The following WIZ variants were observed in gnomAD, a reference collection of about 807,000 sequenced individuals.
WIZ encodes the protein WIZ zinc finger, also known as protein Wiz.
In WIZ, 25 loss-of-function variants were observed where a neutral mutation model predicts 140.2. The observed-to-expected ratio is 0.18, with a 90% CI of 0.13 to 0.25. WIZ has a LOEUF of 0.25. Among genes scored for constraint, WIZ ranks in the 10% least tolerant of loss-of-function variants. WIZ has a pLI of 1.00. For missense variants in WIZ, 2,231 were observed against 2,632.6 expected (o/e 0.85, Z 3.34); for synonymous variants, 1,125 against 1,154.3 (o/e 0.97, Z 0.51).
Position 15,425,256 on chromosome 19 carries a change from T to C in WIZ, c.4879A>G (p.Lys1627Glu), listed in dbSNP as rs776610949. 1 of 1,585,210 alleles carries C rather than the reference T, an allele frequency of 6.3e-7. No homozygotes were observed. ...LPFKAKTLHE[K>E]TSHSSTEACC... ...CGCTGCTTACAGGAGTGGGAGGTCTTCTCATGAAGGGTCTTTGCCTTGAAG... is the reference window on the plus strand; with the variant it reads ...CGCTGCTTACAGGAGTGGGAGGTCTCCTCATGAAGGGTCTTTGCCTTGAAG... Residue 1627 changes from lysine to glutamate, a missense_variant, in exon 10 of 13, where the codon AAG (lysine) becomes GAG (glutamate). Around this residue, in one of 15 missense-constraint regions of WIZ, gnomAD observed 393 missense variants for 451.7 expected, o/e 0.87. Coordinates refer to ENST00000673675, the MANE Select transcript of WIZ (RefSeq NM_001371589.1).
rs1968631533 is a variant in WIZ, at chr19:15,424,857, G to A, written c.5070C>T (p.Tyr1690=). ...GGCGGCCGCCCTGGATGTAGCTGCG[G>A]TAGGCGCCCACCTTCTGGGGCCGGT... ...IKHRPQKVGA[Y]RSYIQGGRPF... Residue 1690 remains tyrosine, a synonymous_variant, in exon 11 of 13, where the codon TAC becomes TAT. Coordinates refer to ENST00000673675, the MANE Select transcript of WIZ (RefSeq NM_001371589.1). The surrounding 1 kb of genome is among the most constrained non-coding windows in gnomAD (Gnocchi z 9.7). 4.3e-6 allele frequency: 7 copies of A among 1,611,036 alleles called. No homozygotes were observed. Among genetic ancestry groups the A allele is most frequent in the Non-Finnish European group, 5.9e-6 (7 of 1,179,398 alleles).
chr19:15,423,307 C>G, intron 12 of WIZ, 72 bp from the exon 13 acceptor site: 1 of 1,546,908 alleles, frequency 6.5e-7, no homozygotes, highest in Non-Finnish European at 8.8e-7. Flanking sequence ...TTGCCAGCAT[C>G]CCTGGGCACA....
In WIZ at chr19:15,442,831, G is replaced by A. The variant is rs1162143189; in HGVS notation, c.206-83C>T. 1 of 892,720 alleles carries A rather than the reference G, an allele frequency of 1.1e-6. No individual in the cohort carries two copies. Among genetic ancestry groups the A allele is most frequent in the African/African-American group, 1.7e-5 (1 of 57,910 alleles). The allele number at this position is 892,720 out of a possible 1,614,324, so 55.3% of individuals were successfully genotyped here. On this transcript the variant is annotated intron_variant, in intron 2 of 12. Transcript: ENST00000673675. The surrounding 1 kb of genome is among the most constrained non-coding windows in gnomAD (Gnocchi z 5.5). The stretch of plus-strand genomic sequence containing the variant: ...CACCCCAGCTCCAGGAGCCCTGCCA[G>A]GTGCCTCAGAAAGGCCCTGCTGGCT...
At position 15,440,625 on chromosome 19, in the gene WIZ, C is replaced by T. The variant is rs1288038494; in HGVS notation, c.369G>A (p.Gly123=). 19 of 1,532,114 alleles carry T rather than the reference C, an allele frequency of 1.2e-5. No homozygotes were observed. Among genetic ancestry groups the T allele is most frequent in the East Asian group, 4.9e-5 (2 of 40,806 alleles). 94.9% of individuals were successfully genotyped at this position (1,532,114 alleles called of 1,614,324 possible). A position where few individuals can be genotyped will look rare whatever the true frequency, so the allele number is the denominator to read the frequency against. Reference sequence around the variant, plus strand: ...CCTGGACAAGGGGGTGCTCCCAGGGCCCCCGGCCATCAGGGGTACCTGGGA... The same window carrying T: ...CCTGGACAAGGGGGTGCTCCCAGGGTCCCCGGCCATCAGGGGTACCTGGGA... ...GHFPGTPDGR[G]PWEHPLVQEA... The change falls in exon 4 of 13, where the codon GGG becomes GGA. Residue 123 remains glycine, a synonymous_variant. Transcript: ENST00000673675. This position sits in a 1 kb window ranked among gnomAD's most constrained non-coding sequence, Gnocchi z 6.2.
At chr19:15,425,153 CT>C in intron 10 of WIZ, 87 bp downstream of exon 10, 1 of 1,534,236 alleles carries the variant, frequency 6.5e-7, no homozygotes, top group Non-Finnish European at 8.7e-7. Context: ...GGGGGCCCCA[CT>C]TGGGGTCAGT....
At chr19:15,432,126 G>T (rs889616069) in intron 5 of WIZ, among the ~76,000 whole-genome samples, 1 of 152,176 alleles carries the variant, frequency 6.6e-6, no homozygotes, top group Non-Finnish European at 1.5e-5. Flanking sequence ...GCGTCTGTCA[G>T]ATGGGGCAGG....
rs1478632943 is a variant in WIZ, at chr19:15,438,702, C to T, written c.2292G>A (p.Leu764=). ...CPDRFHNGIG[L]ANHVRGHLNR... ...TCAGGTGGCCCCGGACGTGGTTGGC[C>T]AAGCCGATGCCGTTGTGGAAGCGAT... Residue 764 remains leucine (L), a synonymous_variant, in exon 4 of 13, where the codon TTG becomes TTA. Transcript: ENST00000673675. 2 of 1,536,136 alleles carry T rather than the reference C, an allele frequency of 1.3e-6. No individual in the cohort carries two copies. The highest frequency in any genetic ancestry group is 2.4e-5 in the East Asian group (1 of 40,924).
At chr19:15,430,786 G>A (rs1025289465) in intron 6 of WIZ, among the ~76,000 whole-genome samples, 4 of 152,218 alleles carry the variant, frequency 2.6e-5, no homozygotes, top group East Asian at 3.8e-4. Flanking sequence ...CACTGCTTCT[G>A]GATGCTGTCC....
At position 15,442,851 on chromosome 19, in the gene WIZ, C is replaced by T; in HGVS notation, c.206-103G>A. The T allele has an allele frequency of 1.6e-6, 1 of 636,128 alleles. No individual in the cohort carries two copies. Among genetic ancestry groups the T allele is most frequent in the South Asian group, 8.0e-5 (1 of 12,552 alleles). The allele number at this position is 636,128 out of a possible 1,614,324, so 39.4% of individuals were successfully genotyped here. ...TGCCAGGTGCCTCAGAAAGGCCCTG[C>T]TGGCTCCCAGTTCCTCTCCCTGAGA... On this transcript the variant is annotated intron_variant, in intron 2 of 12. Coordinates refer to ENST00000673675, the MANE Select transcript of WIZ (RefSeq NM_001371589.1). This position sits in a 1 kb window ranked among gnomAD's most constrained non-coding sequence, Gnocchi z 5.5.
Position 15,439,035 on chromosome 19 carries a change from C to T in WIZ, c.1959G>A (p.Ala653=), listed in dbSNP as rs554328110. 2.8e-5 allele frequency: 42 copies of T among 1,497,996 alleles called. 1 individual carries two copies. Among genetic ancestry groups the T allele is most frequent in the South Asian group, 2.5e-4 (20 of 78,932 alleles). The allele number at this position is 1,497,996 out of a possible 1,614,324, so 92.8% of individuals were successfully genotyped here. The part of the protein sequence containing the change: ...PLATPSLIPQ[A]ALELKQAFRE... Reference sequence around the variant, plus strand: ...GGAATGCCTGCTTCAGCTCCAGGGCCGCCTGCGGGATGAGGCTGGGGGTGG... The same window carrying T: ...GGAATGCCTGCTTCAGCTCCAGGGCTGCCTGCGGGATGAGGCTGGGGGTGG... The change falls in exon 4 of 13, where the codon GCG becomes GCA. Residue 653 remains alanine (A), a synonymous_variant. Coordinates refer to ENST00000673675, the MANE Select transcript of WIZ (RefSeq NM_001371589.1). The surrounding 1 kb of genome is among the most constrained non-coding windows in gnomAD (Gnocchi z 7.0).
At chr19:15,426,074 G>T (rs566173665) in intron 9 of WIZ, among the ~76,000 whole-genome samples, 10 of 151,636 alleles carry the variant, frequency 6.6e-5, no homozygotes, top group South Asian at 4.2e-4. Context: ...TCTTCTGCTT[G>T]TTCTGTCACT....
Position 15,427,542 on chromosome 19 carries a change from G to T in WIZ, c.3815-9C>A. 6.3e-7 allele frequency: 1 copy of T among 1,599,046 alleles called. No homozygotes were observed. Among genetic ancestry groups the T allele is most frequent in the Non-Finnish European group, 8.5e-7 (1 of 1,170,126 alleles). ...TGGCTCTGGGCCTGAGGCTGCAGCA[G>T]GAGGAGAAAGGGGCAGTTAGCATCG... On this transcript the variant is annotated splice_polypyrimidine_tract_variant and intron_variant, in intron 8 of 12. Transcript: ENST00000673675. The surrounding 1 kb of genome is among the most constrained non-coding windows in gnomAD (Gnocchi z 6.4).
rs1968708377 is a variant in WIZ, at chr19:15,425,641, G to A, written c.4494C>T (p.Val1498=). 1 of 1,613,576 alleles carries A rather than the reference G, an allele frequency of 6.2e-7. No homozygotes were observed. The highest frequency in any genetic ancestry group is 1.7e-4 in the Middle Eastern group (1 of 6,048). Residue 1498 remains valine, a synonymous_variant, in exon 10 of 13, where the codon GTC becomes GTT. Coordinates refer to ENST00000673675, the MANE Select transcript of WIZ (RefSeq NM_001371589.1). ...GCAGTGTGTCGATGGGCGAACCATTGACGGACCACTCGGTCACACCCATCT... is the reference window on the plus strand; with the variant it reads ...GCAGTGTGTCGATGGGCGAACCATTAACGGACCACTCGGTCACACCCATCT... ...LRQMGVTEWS[V]NGSPIDTLRE... is the part of the protein sequence containing the mutation.
At chr19:15,430,697 T>C (rs993307347) in intron 6 of WIZ, among the ~76,000 whole-genome samples, 2 of 152,178 alleles carry the variant, frequency 1.3e-5, no homozygotes, top group Non-Finnish European at 2.9e-5. Flanking sequence ...AATGGTGTCA[T>C]GCGAGAGACT....
At position 15,428,862 on chromosome 19, in the gene WIZ, C is replaced by G. The variant is rs1969033580; in HGVS notation, c.3416-354G>C. Reference sequence around the variant, plus strand: ...GCCAAGGGCACACCTGCTCAAGGCCCTGCCCCTGGAAGCACGGCAGACTCA... The same window carrying G: ...GCCAAGGGCACACCTGCTCAAGGCCGTGCCCCTGGAAGCACGGCAGACTCA... On this transcript the variant is annotated intron_variant, in intron 7 of 12. Coordinates refer to ENST00000673675, the MANE Select transcript of WIZ (RefSeq NM_001371589.1). The surrounding 1 kb of genome is among the most constrained non-coding windows in gnomAD (Gnocchi z 6.4). Among the ~76,000 whole-genome samples, 1 of 152,190 alleles carries G rather than the reference C, an allele frequency of 6.6e-6. No homozygotes were observed. The highest frequency in any genetic ancestry group is 1.5e-5 in the Non-Finnish European group (1 of 68,024).
At position 15,425,561 on chromosome 19, in the gene WIZ, G is replaced by A. The variant is rs755123570; in HGVS notation, c.4574C>T (p.Ala1525Val). The A allele has an allele frequency of 1.2e-6, 2 of 1,613,166 alleles. No individual in the cohort carries two copies. Among genetic ancestry groups the A allele is most frequent in the African/African-American group, 1.3e-5 (1 of 74,998 alleles). Residue 1525 changes from alanine (A) to valine (V), a missense_variant, in exon 10 of 13, where the codon GCT becomes GTT. Transcript: ENST00000673675. ...KPCLIKKEPP[A>V]GDLAPALAED... ...AGCCAGGGCAGGGGCCAGGTCTCCA[G>A]CCGGTGGCTCCTTCTTGATGAGGCA...
chr19:15,447,173 G>T (rs932955684), intron 2 of WIZ, among the ~76,000 whole-genome samples: 16 of 152,166 alleles, frequency 1.1e-4, no homozygotes, highest in Non-Finnish European at 2.1e-4. Flanking sequence ...TTGGAGATGG[G>T]GGTGGGGGGT....
chr19:15,436,396 T>C, intron 5 of WIZ: 1 of 163,472 alleles, frequency 6.1e-6, no homozygotes, highest in Non-Finnish European at 1.3e-5. Context: ...CTGTGTGACC[T>C]CAGGCAGGTT....
In WIZ at chr19:15,449,886, C is replaced by G. The variant is rs1970068929; in HGVS notation, c.-149G>C. On this transcript the variant is annotated 5_prime_UTR_variant, in exon 1 of 13. Coordinates refer to ENST00000673675, the MANE Select transcript of WIZ (RefSeq NM_001371589.1). ...GCTGCCGCTACCGCCGCTGCCGCTC[C>G]CGGTGCCGGTGCCGCGGCCTCCGCA... is the stretch of plus-strand genomic sequence containing the variant. The G allele has an allele frequency of 6.7e-6, 1 of 149,686 alleles. No individual in the cohort carries two copies. Among genetic ancestry groups the G allele is most frequent in the East Asian group, 2.0e-4 (1 of 5,128 alleles). The allele number at this position is 149,686 out of a possible 1,614,324, so 9.3% of individuals were successfully genotyped here. A position where few individuals can be genotyped will look rare whatever the true frequency, so the allele number is the denominator to read the frequency against.
Sources: gnomAD v4.1 joint callset for allele counts (sites outside exome capture counted in the v4.1 genomes callset) on GRCh38, gnomAD v4.1.1 for gene constraint, gnomAD v4.1.1 regional missense constraint, Gnocchi (gnomAD v3.1) non-coding constraint, MANE v1.5 for transcripts, NCBI Gene and HGNC (gene_info 2026-07-23, HGNC 2026-07-21) for gene names.